The following ZNF320 variants were observed in gnomAD, a reference collection of about 807,000 sequenced individuals.
The protein encoded by ZNF320 is zinc finger protein 320.
In ZNF320, 2 loss-of-function variants were observed where a neutral mutation model predicts 6.8. The ratio of observed to expected loss-of-function variants is 0.29; its 90% CI spans 0.12 to 0.93. The LOEUF is 0.93. Among genes scored for constraint, ZNF320 ranks in the 40% least tolerant of loss-of-function variants. The pLI, the probability that ZNF320 is intolerant of heterozygous loss-of-function variation, is 0.55. For synonymous variants in ZNF320, 208 were observed against 203.2 expected (o/e 1.02, Z -0.20); for missense variants, 472 against 611.0 (o/e 0.77, Z 2.40).
chr19:52,875,941 C>A (rs1389004081), downstream of ZNF320, among the ~76,000 whole-genome samples: 6 of 152,132 alleles, frequency 3.9e-5, no homozygotes, highest in Admixed American at 2.6e-4. Context: ...TTATGAATCC[C>A]TAGCTATAGG....
chr19:52,862,731 C>A (rs1016606495), exon 6 of ZNF320: 4 of 427,376 alleles, frequency 9.4e-6, no homozygotes, highest in African/African-American at 6.2e-5. Flanking sequence ...AGCCCAAAAA[C>A]CTTTTCACAA....
chr19:52,891,148 TAAAAC>T (rs1172273042), intron 3 of ZNF320, 76 bp downstream of exon 3: 1 of 151,692 alleles, frequency 6.6e-6, no homozygotes, highest in Non-Finnish European at 1.5e-5. Flanking sequence ...GACTTAAAAA[TAAAAC>T]AAAACAAAAT....
intron 5 of ZNF320, among the ~76,000 whole-genome samples, chr19:52,886,113 G>A (rs888400205): frequency 1.3e-5 from 2 of 152,044 alleles, no homozygotes; most frequent in Non-Finnish European, 2.9e-5. Flanking sequence ...AGTAGTTTTT[G>A]TAGGTTATGG....
chr19:52,868,292 A>C (rs1353800035), intron 5 of ZNF320, among the ~76,000 whole-genome samples: 7 of 152,058 alleles, frequency 4.6e-5, no homozygotes, highest in Non-Finnish European at 1.0e-4. Flanking sequence ...GGATCACCTG[A>C]GGTCGGGAGT....
chr19:52,881,059 G>A lies in ZNF320; in HGVS notation c.1067C>T (p.Pro356Leu). The part of the protein sequence containing the change: ...RHRRIHTGEK[P>L]YKCKVCDKAF... The stretch of plus-strand genomic sequence containing the variant: ...CTTGTCACAAACCTTACATTTGTAT[G>A]GTTTCTCTCCAGTATGAATCCTCCT... The change falls in exon 6 of 6, where the codon CCA (proline) becomes CTA (leucine). Residue 356 changes from proline to leucine, a missense_variant. Physicochemically the swap from Pro to Leu is moderately conservative, Grantham distance 98. Transcript: ENST00000682928. The A allele has an allele frequency of 6.2e-7, 1 of 1,614,112 alleles. No homozygotes were observed. The highest frequency in any genetic ancestry group is 8.5e-7 in the Non-Finnish European group (1 of 1,180,018).
rs549363943 is a variant in ZNF320 at position 52,891,629 on chromosome 19, G to T, written c.-191-283C>A. ...GGGGCGGAGGGAGTCATTAGATTAG[G>T]GCAAGCTCCCAGGAGGAGGCTGGAC... On this transcript the variant is annotated intron_variant, in intron 2 of 5. Coordinates refer to ENST00000682928, the MANE Select transcript of ZNF320 (RefSeq NM_001351774.2). Among the ~76,000 whole-genome samples the T allele has an allele frequency of 1.4e-3, 217 of 152,304 alleles. 1 individual carries two copies. Among genetic ancestry groups the T allele is most frequent in the African/African-American group, 4.9e-3 (203 of 41,568 alleles).
intron 5 of ZNF320, among the ~76,000 whole-genome samples, chr19:52,866,039 T>C (rs2063558664): frequency 7.5e-6 from 1 of 133,564 alleles, no homozygotes; most frequent in South Asian, 2.2e-4. Context: ...TATATATGAT[T>C]ATACATATAT....
intron 5 of ZNF320, among the ~76,000 whole-genome samples, chr19:52,868,872 G>A (rs7247831): frequency 0.38 from 57,205 of 150,858 alleles, 11,822 homozygotes; most frequent in Non-Finnish European, 0.47. Context: ...CACTGATTTA[G>A]GCAGCCTCCA....
chr19:52,901,377 T>C (rs911079388), upstream of ZNF320, among the ~76,000 whole-genome samples: 2 of 152,060 alleles, frequency 1.3e-5, no homozygotes, highest in Non-Finnish European at 2.9e-5. Flanking sequence ...CTGCGATGAG[T>C]TTCTTCCTGC....
chr19:52,872,701 C>T (rs55649493), downstream of ZNF320, among the ~76,000 whole-genome samples: 39,465 of 151,954 alleles, frequency 0.26, 5,449 homozygotes, highest in South Asian at 0.34. Flanking sequence ...CGGGGTTTCA[C>T]CGTGTTAACC....
Position 52,881,433 on chromosome 19 carries a change from G to A in ZNF320, c.693C>T (p.Thr231=). The change falls in exon 6 of 6, where the codon ACC becomes ACT. Residue 231 remains threonine, a synonymous_variant. Transcript: ENST00000682928. ...TATGACTTCTATGATGACATGCAAGGGTTGCTTTTTGATCAAAAACCTTGC... is the reference window on the plus strand; with the variant it reads ...TATGACTTCTATGATGACATGCAAGAGTTGCTTTTTGATCAAAAACCTTGC... ...ECGKVFDQKA[T]LACHHRSHTG... The A allele has an allele frequency of 6.2e-7, 1 of 1,613,386 alleles. No homozygotes were observed. The highest frequency in any genetic ancestry group is 8.5e-7 in the Non-Finnish European group (1 of 1,179,866).
downstream of ZNF320, among the ~76,000 whole-genome samples, chr19:52,871,992 A>G (rs1382221995): frequency 3.3e-5 from 5 of 152,128 alleles, no homozygotes; most frequent in South Asian, 2.1e-4. Flanking sequence ...GTTTCCCTCC[A>G]TCATTCTGTA....
chr19:52,898,372 G>C (rs1296252915), upstream of ZNF320, among the ~76,000 whole-genome samples: 1 of 152,088 alleles, frequency 6.6e-6, no homozygotes, highest in African/African-American at 2.4e-5. Context: ...CTGGGGTCCC[G>C]GCTACTCAGG....
chr19:52,886,650 C>G (rs1432391728), intron 5 of ZNF320, among the ~76,000 whole-genome samples: 3 of 152,068 alleles, frequency 2.0e-5, no homozygotes, highest in Non-Finnish European at 4.4e-5. Context: ...AAAAGAATAA[C>G]CATGGTTGGG....
In ZNF320 at chr19:52,892,530, C is replaced by T. The variant is rs565583076; in HGVS notation, c.-191-1184G>A. Reference sequence around the variant, plus strand: ...CTTTGGGAGGTCAAGGCAGGTGGATCACCTGAGGTCAGGAGTTCGAGACCA... The same window carrying T: ...CTTTGGGAGGTCAAGGCAGGTGGATTACCTGAGGTCAGGAGTTCGAGACCA... On this transcript the variant is annotated intron_variant, in intron 2 of 5. Transcript: ENST00000682928. Among the ~76,000 whole-genome samples, 6 of 152,200 alleles carry T rather than the reference C, an allele frequency of 3.9e-5. No homozygotes were observed. The East Asian group carries it at 7.7e-4, about 20-fold the overall frequency.
chr19:52,889,674 C>T (rs546137879), intron 4 of ZNF320, among the ~76,000 whole-genome samples: 201 of 152,206 alleles, frequency 1.3e-3, no homozygotes, highest in African/African-American at 4.5e-3. Context: ...ATTTCCTATT[C>T]TTAAAATAAT....
chr19:52,898,724 C>T (rs1195526739), upstream of ZNF320, among the ~76,000 whole-genome samples: 4 of 152,158 alleles, frequency 2.6e-5, no homozygotes, highest in African/African-American at 4.8e-5. Context: ...GCAGGCGGTA[C>T]GTGACAGGGG....
intron 1 of ZNF320, among the ~76,000 whole-genome samples, chr19:52,897,066 C>G (rs924913527): frequency 6.6e-6 from 1 of 152,240 alleles, no homozygotes; most frequent in Non-Finnish European, 1.5e-5. Flanking sequence ...AATACTTTAA[C>G]CCCCTAAAAC....
At chr19:52,865,770 CAT>C (rs1175617657) in intron 5 of ZNF320, among the ~76,000 whole-genome samples, 20 of 122,468 alleles carry the variant, frequency 1.6e-4, no homozygotes, top group Admixed American at 1.3e-3. Flanking sequence ...TGATTATACA[CAT>C]ATATTTATAT....
Sources: allele counts gnomAD v4.1 joint callset (sites outside exome capture counted in the v4.1 genomes callset), GRCh38; gene constraint gnomAD v4.1.1; transcripts MANE v1.5; gene names NCBI Gene and HGNC (gene_info 2026-07-23, HGNC 2026-07-21).